The following CEP112 variants were observed in gnomAD, a reference collection of about 807,000 sequenced individuals.
CEP112 encodes centrosomal protein 112, also known as centrosomal protein of 112 kDa.
A neutral mutation model predicts 153.0 loss-of-function variants in CEP112; 127 were observed. The observed-to-expected ratio is 0.83, with a 90% CI of 0.72 to 0.96. The LOEUF (loss-of-function observed/expected upper bound fraction) is 0.96. Ranked by LOEUF, CEP112 falls within the 40% of genes least tolerant of loss-of-function variation. The probability of loss-of-function intolerance (pLI) is 0.00; values close to 1 mark genes in which losing one functional copy is unlikely to be tolerated. For missense variants in CEP112, 1,089 were observed against 1,101.2 expected, an observed-to-expected ratio of 0.99 and a Z score of 0.16; for synonymous variants, 358 against 374.4, an observed-to-expected ratio of 0.96 and a Z score of 0.51.
At chr17:65,992,685 C>T (rs2063637227) in intron 17 of CEP112, among the ~76,000 whole-genome samples, 1 of 152,158 alleles carries the variant, frequency 6.6e-6, no homozygotes, top group Non-Finnish European at 1.5e-5. Context: ...AATTTTTTCT[C>T]CATTTTAAAT....
Position 65,813,731 on chromosome 17 carries a change from T to C in CEP112, c.2394+38073A>G, listed in dbSNP as rs142141661. 2.6e-5 allele frequency among the ~76,000 whole-genome samples: 4 copies of C among 152,320 alleles called. No homozygotes were observed. The East Asian group carries it at 7.7e-4, about 29-fold the overall frequency. ...ACACATGGAAAGCACACAATCAGTA[T>C]CTTCTTCCATTAGGCCAATACACCT... On this transcript the variant is annotated intron_variant, in intron 21 of 26. Coordinates refer to ENST00000535342, the MANE Select transcript of CEP112 (RefSeq NM_001199165.4).
intron 19 of CEP112, among the ~76,000 whole-genome samples, chr17:65,908,004 T>C (rs9906900): frequency 0.18 from 26,794 of 152,106 alleles, 2,535 homozygotes; most frequent in Admixed American, 0.28. Context: ...GAATATTAAA[T>C]GGTTAATAAG....
At chr17:66,166,972 C>T (rs985190362) in intron 4 of CEP112, among the ~76,000 whole-genome samples, 17 of 148,644 alleles carry the variant, frequency 1.1e-4, no homozygotes, top group African/African-American at 4.2e-4. Flanking sequence ...AAAATGTAAA[C>T]AATGAGGCCA....
intron 19 of CEP112, among the ~76,000 whole-genome samples, chr17:65,912,329 C>T (rs763544904): frequency 2.6e-5 from 4 of 152,130 alleles, no homozygotes; most frequent in African/African-American, 7.2e-5. Context: ...GTAGTGCCTG[C>T]CATTCTGGAA....
chr17:65,917,475 T>C (rs1232750440), intron 19 of CEP112, among the ~76,000 whole-genome samples: 3 of 152,072 alleles, frequency 2.0e-5, no homozygotes, highest in African/African-American at 7.2e-5. Context: ...ATTACCTCAA[T>C]ACCGAAGAGA....
chr17:65,796,869 C>CAAA (rs1220753944), intron 21 of CEP112, among the ~76,000 whole-genome samples: 37 of 39,238 alleles, frequency 9.4e-4, no homozygotes, highest in South Asian at 2.1e-3. Flanking sequence ...CCCATCTCTA[C>CAAA]AAAAAAAAAA....
intron 20 of CEP112, among the ~76,000 whole-genome samples, chr17:65,852,914 T>C (rs2058015802): frequency 2.0e-5 from 3 of 152,214 alleles, no homozygotes; most frequent in African/African-American, 7.2e-5. Flanking sequence ...TCTCTCTGGA[T>C]ACTGATTTAG....
chr17:65,831,119 T>A (rs1400253611), intron 21 of CEP112, among the ~76,000 whole-genome samples: 2 of 152,192 alleles, frequency 1.3e-5, no homozygotes, highest in African/African-American at 2.4e-5. Context: ...GGATGTCTCC[T>A]CAAATGTGCA....
At chr17:65,849,031 A>G (rs2057827028) in intron 21 of CEP112, among the ~76,000 whole-genome samples, 1 of 151,852 alleles carries the variant, frequency 6.6e-6, no homozygotes, top group African/African-American at 2.4e-5. Flanking sequence ...TTTCCCCAAA[A>G]CCTTTGGCAA....
At chr17:66,047,301 G>A (rs2066253260) in intron 12 of CEP112, among the ~76,000 whole-genome samples, 1 of 152,062 alleles carries the variant, frequency 6.6e-6, no homozygotes, top group Non-Finnish European at 1.5e-5. Context: ...ATTTTGAGTA[G>A]AGACAGGGTT....
intron 6 of CEP112, among the ~76,000 whole-genome samples, chr17:66,098,205 C>G (rs972214274): frequency 2.6e-5 from 4 of 152,194 alleles, no homozygotes; most frequent in African/African-American, 9.7e-5. Context: ...CTTCTTCTGT[C>G]CATAAATCTT....
intron 21 of CEP112, among the ~76,000 whole-genome samples, chr17:65,774,126 A>G (rs892952704): frequency 6.6e-6 from 1 of 151,470 alleles, no homozygotes; most frequent in Non-Finnish European, 1.5e-5. Flanking sequence ...TTAAACGATA[A>G]CCAGGGCTGA....
At chr17:65,797,771 C>T (rs1454252732) in intron 21 of CEP112, among the ~76,000 whole-genome samples, 1 of 152,148 alleles carries the variant, frequency 6.6e-6, no homozygotes, top group Non-Finnish European at 1.5e-5. Flanking sequence ...ATTTTTTAAG[C>T]CCAGTTGAAA....
At chr17:65,859,893 C>T (rs551294040) in intron 20 of CEP112, among the ~76,000 whole-genome samples, 3 of 148,292 alleles carry the variant, frequency 2.0e-5, no homozygotes, top group Admixed American at 6.7e-5. Context: ...TGGTGGCGGG[C>T]GCCTCCAGCT....
At position 65,719,439 on chromosome 17, in the gene CEP112, C is replaced by T. The variant is rs181317274; in HGVS notation, c.2607+23629G>A. Among the ~76,000 whole-genome samples the T allele has an allele frequency of 2.2e-3, 328 of 152,064 alleles. 2 individuals carry two copies. The highest frequency in any genetic ancestry group is 1.2e-3 in the East Asian group (6 of 5,160). ...AAAATTAAAAATACAAAAATTAGCC[C>T]GGCGTGGTGGTGGCCAGCTGTAATC... On this transcript the variant is annotated intron_variant, in intron 23 of 26. Transcript: ENST00000535342.
In CEP112 at chr17:65,901,423, T is replaced by C. The variant is rs77576757; in HGVS notation, c.2163+729A>G. Among the ~76,000 whole-genome samples, 294 of 152,332 alleles carry C rather than the reference T, an allele frequency of 1.9e-3. 1 individual carries two copies. The highest frequency in any genetic ancestry group is 2.7e-3 in the Non-Finnish European group (186 of 68,026). Reference sequence around the variant, plus strand: ...GATTATATATACTCTACAGAATGTATTGTATCACAAAGATACACATCCAAT... The same window carrying C: ...GATTATATATACTCTACAGAATGTACTGTATCACAAAGATACACATCCAAT... On this transcript the variant is annotated intron_variant, in intron 20 of 26. Coordinates refer to ENST00000535342, the MANE Select transcript of CEP112 (RefSeq NM_001199165.4).
At chr17:65,894,994 T>C (rs1436822829) in intron 20 of CEP112, among the ~76,000 whole-genome samples, 1 of 152,066 alleles carries the variant, frequency 6.6e-6, no homozygotes, top group East Asian at 1.9e-4. Context: ...ATTATGACTA[T>C]CAGTATTTTA....
Position 65,919,597 on chromosome 17 carries a change from C to T in CEP112, c.1980+7985G>A, listed in dbSNP as rs555012591. Among the ~76,000 whole-genome samples the T allele has an allele frequency of 1.7e-4, 26 of 152,194 alleles. No homozygotes were observed. The East Asian group carries it at 2.9e-3, about 17-fold the overall frequency. On this transcript the variant is annotated intron_variant, in intron 19 of 26. Transcript: ENST00000535342. ...GAGTCAGCGGTGGAATCAGAGAAGT[C>T]GGTCTGTCAAGAGGGGCTGGGAATC...
In CEP112 at chr17:66,028,319, T is replaced by C. The variant is rs1305390212; in HGVS notation, c.1590A>G (p.Gln530=). ...LQESELQRKQ[Q]LRDQENKFQM... ...GTAGAAATACAAGACTCACCCTTAG[T>C]TGTTGCTTTCTTTGAAGTTCTGATT... The change falls in exon 15 of 27, where the codon CAA becomes CAG. Residue 530 remains glutamine (Q), a synonymous_variant. Coordinates refer to ENST00000535342, the MANE Select transcript of CEP112 (RefSeq NM_001199165.4). 2.5e-6 allele frequency: 4 copies of C among 1,582,740 alleles called. No homozygotes were observed. The highest frequency in any genetic ancestry group is 3.5e-6 in the Non-Finnish European group (4 of 1,156,174).
Sources: gnomAD v4.1 joint callset for allele counts (sites outside exome capture counted in the v4.1 genomes callset) on GRCh38, gnomAD v4.1.1 for gene constraint, MANE v1.5 for transcripts, NCBI Gene and HGNC (gene_info 2026-07-23, HGNC 2026-07-21) for gene names.